RBFOX1: variants seen among roughly 807,000 people sequenced by gnomAD.
The protein encoded by RBFOX1 is RNA binding protein fox-1 homolog 1.
Under a neutral mutation model 57.7 loss-of-function variants are expected in RBFOX1, and 8 were observed. That is an observed-to-expected ratio of 0.14 (90% CI 0.08 to 0.25). RBFOX1 has a LOEUF of 0.25. RBFOX1 is among the 10% of genes least tolerant of loss of function. RBFOX1 has a pLI of 1.00. For synonymous variants in RBFOX1, 326 were observed against 222.4 expected (o/e 1.47, Z -4.15); for missense variants, 611 against 548.5 (o/e 1.11, Z -1.14).
upstream of RBFOX1, chr16:5,239,755 G>T: frequency 6.2e-6 from 1 of 160,768 alleles, no homozygotes. Context: ...GGAGGAGCCC[G>T]CGCCGGCCCC....
intron 4 of RBFOX1, among the ~76,000 whole-genome samples, chr16:7,181,355 C>T (rs1365006606): frequency 6.6e-6 from 1 of 152,144 alleles, no homozygotes; most frequent in Non-Finnish European, 1.5e-5. Flanking sequence ...CCCTTTGGTT[C>T]TACTTTTCCC....
intron 1 of RBFOX1, among the ~76,000 whole-genome samples, chr16:5,354,880 G>T (rs530063497): frequency 7.2e-5 from 11 of 152,214 alleles, no homozygotes; most frequent in Non-Finnish European, 1.5e-4. Flanking sequence ...GTGTTGGCTT[G>T]GTTCCAGTGG....
At chr16:5,929,815 G>A (rs2152244576) in intron 4 of RBFOX1, among the ~76,000 whole-genome samples, 1 of 152,082 alleles carries the variant, frequency 6.6e-6, no homozygotes, top group South Asian at 2.1e-4. Context: ...CTCACTAAGA[G>A]CTGGCAAGGG....
chr16:5,260,108 G>T (rs2062696793), intron 1 of RBFOX1, among the ~76,000 whole-genome samples: 2 of 152,212 alleles, frequency 1.3e-5, no homozygotes, highest in African/African-American at 4.8e-5. Context: ...GGCTGAGGCA[G>T]GAGAATCGCT....
chr16:6,974,022 A>G (rs1290530113), intron 3 of RBFOX1, among the ~76,000 whole-genome samples: 1 of 152,130 alleles, frequency 6.6e-6, no homozygotes, highest in African/African-American at 2.4e-5. Flanking sequence ...GTAAGAACAT[A>G]TAGTATTTGG....
At chr16:6,649,606 A>T (rs1433759148) in intron 2 of RBFOX1, among the ~76,000 whole-genome samples, 3 of 152,172 alleles carry the variant, frequency 2.0e-5, no homozygotes, top group Non-Finnish European at 4.4e-5. Flanking sequence ...ATGAATGAGA[A>T]CATGCAATGT....
intron 1 of RBFOX1, among the ~76,000 whole-genome samples, chr16:6,298,947 G>A (rs1320130922): frequency 6.6e-6 from 1 of 152,172 alleles, no homozygotes; most frequent in Non-Finnish European, 1.5e-5. Context: ...GCCTTGGTAG[G>A]CACTGGTATT....
intron 4 of RBFOX1, among the ~76,000 whole-genome samples, chr16:7,124,824 G>A (rs1325503307): frequency 1.3e-5 from 2 of 151,920 alleles, no homozygotes; most frequent in Non-Finnish European, 2.9e-5. Context: ...TCCGTATCCT[G>A]TTTCTACTGT....
At chr16:6,139,679 C>A (rs1016284183) in intron 1 of RBFOX1, among the ~76,000 whole-genome samples, 5 of 152,176 alleles carry the variant, frequency 3.3e-5, no homozygotes, top group African/African-American at 1.2e-4. Flanking sequence ...TTGGCTTGGC[C>A]ATGCCATCTT....
At chr16:5,586,411 G>C (rs2046830467) in intron 2 of RBFOX1, among the ~76,000 whole-genome samples, 1 of 152,186 alleles carries the variant, frequency 6.6e-6, no homozygotes, top group South Asian at 2.1e-4. Flanking sequence ...CAGAACTCAT[G>C]CTAAGAGCTT....
intron 1 of RBFOX1, among the ~76,000 whole-genome samples, chr16:5,274,136 A>T (rs1210942172): frequency 1.3e-5 from 2 of 152,174 alleles, no homozygotes; most frequent in Admixed American, 1.3e-4. Flanking sequence ...CCATATAGAC[A>T]TATCCATCGC....
intron 2 of RBFOX1, among the ~76,000 whole-genome samples, chr16:5,561,621 T>G (rs564642773): frequency 1.3e-5 from 2 of 152,278 alleles, no homozygotes; most frequent in African/African-American, 2.4e-5. Context: ...CCAATCCTGT[T>G]TTAATACTAG....
At chr16:5,622,331 A>G (rs959618453) in intron 3 of RBFOX1, among the ~76,000 whole-genome samples, 1 of 152,198 alleles carries the variant, frequency 6.6e-6, no homozygotes, top group Non-Finnish European at 1.5e-5. Flanking sequence ...TGCATAATTA[A>G]TTAGTTATGT....
chr16:7,211,273 T>C (rs2091075793), intron 4 of RBFOX1, among the ~76,000 whole-genome samples: 2 of 151,080 alleles, frequency 1.3e-5, no homozygotes. Context: ...GCCCCTGTAG[T>C]CCCAGCTTCT....
chr16:6,898,306 C>G (rs569639553), intron 3 of RBFOX1, among the ~76,000 whole-genome samples: 3 of 152,116 alleles, frequency 2.0e-5, no homozygotes, highest in Non-Finnish European at 2.9e-5. Context: ...TCCACGACCT[C>G]TCAGAGCATA....
At chr16:7,497,607 C>G (rs1260644774) in intron 4 of RBFOX1, among the ~76,000 whole-genome samples, 2 of 152,174 alleles carry the variant, frequency 1.3e-5, no homozygotes, top group Admixed American at 6.5e-5. Flanking sequence ...TTATTGTGAA[C>G]CTACTGGGGA....
intron 6 of RBFOX1, among the ~76,000 whole-genome samples, chr16:7,584,767 A>G (rs1400724746): frequency 6.6e-6 from 1 of 152,230 alleles, no homozygotes; most frequent in Admixed American, 6.5e-5. Flanking sequence ...GAACTTCCCA[A>G]TTAAACTGTT....
chr16:6,597,575 A>G (rs796129593), intron 2 of RBFOX1, among the ~76,000 whole-genome samples: 6 of 152,250 alleles, frequency 3.9e-5, no homozygotes, highest in African/African-American at 1.4e-4. Flanking sequence ...CGGGAGGCTG[A>G]GGCAGGAGAA....
chr16:7,259,388 A>G (rs1395222409), intron 4 of RBFOX1, among the ~76,000 whole-genome samples: 2 of 152,120 alleles, frequency 1.3e-5, no homozygotes, highest in African/African-American at 4.8e-5. Context: ...CATCACATAT[A>G]AGATATTCCT....
Sources: allele counts gnomAD v4.1 joint callset (sites outside exome capture counted in the v4.1 genomes callset), GRCh38; gene constraint gnomAD v4.1.1; transcripts MANE v1.5; gene names NCBI Gene and HGNC (gene_info 2026-07-23, HGNC 2026-07-21).